Variants in NNMT observed in about 807,000 individuals in gnomAD.
NNMT encodes nicotinamide N-methyltransferase.
Under a neutral mutation model 11.7 loss-of-function variants are expected in NNMT, and 10 were observed. The observed-to-expected ratio is 0.85, with a 90% CI of 0.53 to 1.45. The LOEUF (loss-of-function observed/expected upper bound fraction) is 1.45, where lower values mean the gene tolerates loss of function less well. Ranked by LOEUF, NNMT falls within the 40% of genes most tolerant of loss-of-function variation. NNMT has a pLI of 0.00. For missense variants in NNMT, 381 were observed against 319.4 expected (o/e 1.19, Z -1.47); for synonymous variants, 143 against 133.8 (o/e 1.07, Z -0.48).
At chr11:114,296,793 C>T (rs1945384531) in intron 1 of NNMT, 83 bp downstream of exon 1, 1 of 1,383,462 alleles carries the variant, frequency 7.2e-7, no homozygotes, top group Non-Finnish European at 1.0e-6. Context: ...TTGTGTCTCT[C>T]GTTGTTGCTT....
At chr11:114,297,046 T>G (rs1945387881) in intron 1 of NNMT, among the ~76,000 whole-genome samples, 2 of 152,204 alleles carry the variant, frequency 1.3e-5, no homozygotes, top group African/African-American at 4.8e-5. Context: ...TGATCCTAAC[T>G]CAAGGGAATG....
At position 114,312,034 on chromosome 11, in the gene NNMT, G is replaced by A. The variant is rs1351300270; in HGVS notation, c.363-11G>A. The A allele has an allele frequency of 1.7e-5, 27 of 1,545,032 alleles. No individual in the cohort carries two copies. Among genetic ancestry groups the A allele is most frequent in the Middle Eastern group, 1.7e-4 (1 of 5,730 alleles). On this transcript the variant is annotated splice_polypyrimidine_tract_variant and intron_variant, in intron 2 of 2. Coordinates refer to ENST00000299964, the MANE Select transcript of NNMT (RefSeq NM_006169.3). Reference sequence around the variant, plus strand: ...AGTGGAAAACAATGTCTGTGGGTTTGTGTTTTTCAGAGTCAAGGGTCCAGA... The same window carrying A: ...AGTGGAAAACAATGTCTGTGGGTTTATGTTTTTCAGAGTCAAGGGTCCAGA...
chr11:114,268,545 C>T (rs927039065), intron 2 of NNMT, among the ~76,000 whole-genome samples: 10 of 152,000 alleles, frequency 6.6e-5, no homozygotes, highest in Admixed American at 2.6e-4. Context: ...CCGAGGTGGG[C>T]GGATCACGAG....
chr11:114,307,707 T>C (rs914599243), intron 2 of NNMT, among the ~76,000 whole-genome samples: 11 of 152,288 alleles, frequency 7.2e-5, no homozygotes, highest in African/African-American at 2.4e-4. Flanking sequence ...CCAGCCACGT[T>C]GGCTCTCTCC....
At chr11:114,270,510 G>C (rs1420301771) in intron 2 of NNMT, 2 of 152,174 alleles carry the variant, frequency 1.3e-5, no homozygotes, top group East Asian at 3.9e-4. Flanking sequence ...TATGAGTTTG[G>C]TAGTGTTGCC....
At chr11:114,302,651 T>C (rs180736756) in intron 2 of NNMT, among the ~76,000 whole-genome samples, 129 of 152,310 alleles carry the variant, frequency 8.5e-4, no homozygotes, top group Non-Finnish European at 7.4e-5. Flanking sequence ...GTGTTAAGTA[T>C]AGTCACATAA....
chr11:114,312,044 G>C lies in NNMT; in HGVS notation c.363-1G>C. The C allele has an allele frequency of 2.6e-6, 4 of 1,551,210 alleles. No individual in the cohort carries two copies. Among genetic ancestry groups the C allele is most frequent in the Non-Finnish European group, 3.5e-6 (4 of 1,146,166 alleles). Reference sequence around the variant, plus strand: ...AATGTCTGTGGGTTTGTGTTTTTCAGAGTCAAGGGTCCAGAGAAGGAGGAG... The same window carrying C: ...AATGTCTGTGGGTTTGTGTTTTTCACAGTCAAGGGTCCAGAGAAGGAGGAG... On this transcript the variant is annotated splice_acceptor_variant, in intron 2 of 2. Transcript: ENST00000299964. LOFTEE classifies it high-confidence loss of function.
At chr11:114,303,102 C>A (rs747220718) in intron 2 of NNMT, among the ~76,000 whole-genome samples, 1 of 152,152 alleles carries the variant, frequency 6.6e-6, no homozygotes, top group Non-Finnish European at 1.5e-5. Flanking sequence ...TATTTAAGAT[C>A]TTTTATATTT....
upstream of NNMT, among the ~76,000 whole-genome samples, chr11:114,294,984 G>T (rs531128608): frequency 1.3e-5 from 2 of 152,324 alleles, no homozygotes; most frequent in South Asian, 4.1e-4. Context: ...GAATTCTCTG[G>T]CTTGCTGACT....
chr11:114,296,631 C>G lies in NNMT; in HGVS notation c.75C>G (p.Tyr25Ter), dbSNP rs770044876. 1.2e-6 allele frequency: 2 copies of G among 1,614,128 alleles called. No homozygotes were observed. The highest frequency in any genetic ancestry group is 2.2e-5 in the East Asian group (1 of 44,878). The change falls in exon 1 of 3, where the codon TAC becomes TAG. Residue 25 changes from tyrosine (Y) to a stop codon, truncating the protein, a stop_gained. Coordinates refer to ENST00000299964, the MANE Select transcript of NNMT (RefSeq NM_006169.3). LOFTEE classifies it high-confidence loss of function. Reference sequence around the variant, plus strand: ...CTCGGGATTACCTAGAAAAATATTACAAGTTTGGTTCTAGGCACTCTGCAG... The same window carrying G: ...CTCGGGATTACCTAGAAAAATATTAGAAGTTTGGTTCTAGGCACTCTGCAG... The part of the protein sequence containing the change: ...FNPRDYLEKY[Y>*]KFGSRHSAES...
At chr11:114,267,333 G>A (rs1945129950) in intron 2 of NNMT, among the ~76,000 whole-genome samples, 1 of 152,082 alleles carries the variant, frequency 6.6e-6, no homozygotes, top group African/African-American at 2.4e-5. Flanking sequence ...TGTTTGATAT[G>A]ATCTTCTTTA....
At chr11:114,267,404 G>A (rs183272007) in intron 2 of NNMT, among the ~76,000 whole-genome samples, 3 of 152,136 alleles carry the variant, frequency 2.0e-5, no homozygotes, top group Admixed American at 2.0e-4. Context: ...TGAGAGCCAG[G>A]GCCTTGTCTG....
chr11:114,299,794 A>ATT (rs35581671), intron 2 of NNMT, among the ~76,000 whole-genome samples: 107 of 146,042 alleles, frequency 7.3e-4, no homozygotes, highest in African/African-American at 2.5e-3. Context: ...CTTTATTGGC[A>ATT]TTTTTTTTTT....
chr11:114,265,828 C>T (rs1332553313), intron 2 of NNMT, among the ~76,000 whole-genome samples: 1 of 151,970 alleles, frequency 6.6e-6, no homozygotes, highest in Non-Finnish European at 1.5e-5. Context: ...ACTTAGTTGT[C>T]CAATCTGTTA....
chr11:114,298,254 T>C (rs1007271537), intron 2 of NNMT, 96 bp downstream of exon 2: 31 of 1,029,078 alleles, frequency 3.0e-5, no homozygotes, highest in South Asian at 1.5e-4. Context: ...GAAATCCAAA[T>C]GGAGAATGAG....
Position 114,296,677 on chromosome 11 carries a change from C to T in NNMT, c.121C>T (p.Leu41Phe), listed in dbSNP as rs1441646053. ...HSAESQILKH[L>F]LKNLFKIFCL... ...TGCAGAAAGCCAGATTCTTAAGCAC[C>T]TTCTGAAAAATCTTTTCAAGATATT... Residue 41 changes from leucine to phenylalanine, a missense_variant, in exon 1 of 3, where the codon CTT (leucine) becomes TTT (phenylalanine). Physicochemically the swap from Leu to Phe is conservative, Grantham distance 22 (BLOSUM62 0). Coordinates refer to ENST00000299964, the MANE Select transcript of NNMT (RefSeq NM_006169.3). 6.8e-6 allele frequency: 11 copies of T among 1,614,042 alleles called. No individual in the cohort carries two copies. Among genetic ancestry groups the T allele is most frequent in the African/African-American group, 2.7e-5 (2 of 74,916 alleles).
At chr11:114,269,251 T>A (rs952924048) in intron 2 of NNMT, among the ~76,000 whole-genome samples, 9 of 152,224 alleles carry the variant, frequency 5.9e-5, no homozygotes, top group Admixed American at 3.3e-4. Flanking sequence ...TTCTCTTCTA[T>A]CTTTCTTACC....
intron 2 of NNMT, among the ~76,000 whole-genome samples, chr11:114,263,265 T>C (rs548042635): frequency 4.4e-4 from 65 of 148,684 alleles, no homozygotes; most frequent in African/African-American, 1.5e-3. Context: ...GTACCCCCCC[T>C]GTTTCTAAGA....
At chr11:114,259,161 C>T (rs560104036) in intron 1 of NNMT, among the ~76,000 whole-genome samples, 1 of 152,060 alleles carries the variant, frequency 6.6e-6, no homozygotes, top group Non-Finnish European at 1.5e-5. Context: ...TGATAGGCAC[C>T]CGGTAAATCT....
Sources: gnomAD v4.1 joint callset for allele counts (sites outside exome capture counted in the v4.1 genomes callset) on GRCh38, gnomAD v4.1.1 for gene constraint, MANE v1.5 for transcripts, NCBI Gene and HGNC (gene_info 2026-07-23, HGNC 2026-07-21) for gene names.